MARK4: variants seen among roughly 807,000 people sequenced by gnomAD.
MARK4 encodes the protein MAP/microtubule affinity-regulating kinase 4.
MARK4 carries 19 observed loss-of-function variants against 81.5 expected under a neutral mutation model. The ratio of observed to expected loss-of-function variants is 0.23; its 90% CI spans 0.16 to 0.34. The LOEUF (loss-of-function observed/expected upper bound fraction) is 0.34, where lower values mean the gene tolerates loss of function less well. Ranked by LOEUF, MARK4 falls within the 10% of genes least tolerant of loss-of-function variation. The probability of loss-of-function intolerance (pLI) is 1.00; values close to 1 mark genes in which losing one functional copy is unlikely to be tolerated. For missense variants in MARK4, 772 were observed against 1,058.8 expected, an observed-to-expected ratio of 0.73 and a Z score of 3.76; for synonymous variants, 436 against 439.0, an observed-to-expected ratio of 0.99 and a Z score of 0.08.
chr19:45,282,699 C>T (rs766419154), intron 12 of MARK4, among the ~76,000 whole-genome samples: 11 of 152,104 alleles, frequency 7.2e-5, no homozygotes, highest in African/African-American at 2.2e-4. Context: ...GTGGCGGGCA[C>T]CTGTAATCCC....
intron 12 of MARK4, among the ~76,000 whole-genome samples, chr19:45,284,902 C>T (rs535464155): frequency 6.6e-6 from 1 of 152,186 alleles, no homozygotes; most frequent in African/African-American, 2.4e-5. Context: ...AGCAGCCTGG[C>T]CAACATGGTG....
rs1193924070 is a variant in MARK4, at chr19:45,278,545, C to T, written c.936C>T (p.Ile312=). ...TCATGAAAGACAAATGGATCAACAT[C>T]GGCTATGAGGGTGAGGAGTTGAAGC... The part of the protein sequence containing the change: ...EQIMKDKWIN[I]GYEGEELKPY... The change falls in exon 10 of 17, where the codon ATC becomes ATT. Residue 312 remains isoleucine (I), a synonymous_variant. Transcript: ENST00000262891. 28 of 1,613,850 alleles carry T rather than the reference C, an allele frequency of 1.7e-5. No homozygotes were observed. Among genetic ancestry groups the T allele is most frequent in the Non-Finnish European group, 2.1e-5 (25 of 1,179,958 alleles).
chr19:45,302,861 T>G lies in MARK4; in HGVS notation c.*151T>G. 8.0e-7 allele frequency: 1 copy of G among 1,243,056 alleles called. No homozygotes were observed. The highest frequency in any genetic ancestry group is 1.5e-5 in the South Asian group (1 of 64,904). 77.0% of individuals were successfully genotyped at this position (1,243,056 alleles called of 1,614,324 possible). A position where few individuals can be genotyped will look rare whatever the true frequency, so the allele number is the denominator to read the frequency against. On this transcript the variant is annotated 3_prime_UTR_variant, in exon 17 of 17. Transcript: ENST00000262891. This position sits in a 1 kb window ranked among gnomAD's most constrained non-coding sequence, Gnocchi z 4.9. ...GGGCAAAGATTGTCCCCTCTGCTGT[T>G]CTCTGGGGCCGCTCAGCACAGAAGA... is the stretch of plus-strand genomic sequence containing the variant.
intron 8 of MARK4, among the ~76,000 whole-genome samples, chr19:45,274,636 A>C (rs1370131521): frequency 6.6e-6 from 1 of 152,106 alleles, no homozygotes; most frequent in Non-Finnish European, 1.5e-5. Context: ...GTCTCAAAAA[A>C]ACAAAACAAA....
At chr19:45,270,633 T>C (rs1268127124) in intron 7 of MARK4, among the ~76,000 whole-genome samples, 1 of 152,180 alleles carries the variant, frequency 6.6e-6, no homozygotes, top group Non-Finnish European at 1.5e-5. Context: ...AAGTTCTCAC[T>C]CTGTTGCTCA....
chr19:45,287,415 A>G, intron 12 of MARK4, 32 bp from the exon 13 acceptor site: 4 of 1,363,200 alleles, frequency 2.9e-6, no homozygotes, highest in Non-Finnish European at 3.9e-6. Context: ...TTCCGTGGTG[A>G]TGCCAGCTCT....
chr19:45,281,543 T>G (rs1212314986), intron 12 of MARK4, among the ~76,000 whole-genome samples: 1 of 151,798 alleles, frequency 6.6e-6, no homozygotes, highest in Admixed American at 6.6e-5. Context: ...GTATTTTTAG[T>G]AGAGACAGGG....
chr19:45,283,450 C>T (rs1970703317), intron 12 of MARK4, among the ~76,000 whole-genome samples: 1 of 151,480 alleles, frequency 6.6e-6, no homozygotes, highest in Admixed American at 6.6e-5. Flanking sequence ...ACTTCCAATC[C>T]CCCTTCCACC....
At chr19:45,279,087 T>C (rs1247179422) in intron 10 of MARK4, among the ~76,000 whole-genome samples, 1 of 151,020 alleles carries the variant, frequency 6.6e-6, no homozygotes, top group Non-Finnish European at 1.5e-5. Context: ...TAGCCAGTTG[T>C]GGTTGTGTGC....
chr19:45,296,927 A>C (rs984955319), intron 14 of MARK4, among the ~76,000 whole-genome samples: 4 of 152,036 alleles, frequency 2.6e-5, no homozygotes, highest in African/African-American at 7.2e-5. Context: ...CTGCATGCCT[A>C]TAGTCCCAGC....
At chr19:45,257,783 G>A (rs1970328375) in intron 1 of MARK4, among the ~76,000 whole-genome samples, 1 of 148,868 alleles carries the variant, frequency 6.7e-6, no homozygotes, top group Non-Finnish European at 1.5e-5. Context: ...TCCACCTCCT[G>A]GGTTCATGCC....
At chr19:45,300,802 C>T (rs1417297159) in intron 16 of MARK4, among the ~76,000 whole-genome samples, 1 of 152,120 alleles carries the variant, frequency 6.6e-6, no homozygotes, top group Admixed American at 6.6e-5. Context: ...CCAATGCCTG[C>T]AGCCAGAGAG....
intron 9 of MARK4, among the ~76,000 whole-genome samples, 178 bp from the exon 10 acceptor site, chr19:45,278,338 G>A (rs971915308): frequency 8.5e-5 from 13 of 152,094 alleles, no homozygotes; most frequent in Non-Finnish European, 1.5e-4. Flanking sequence ...AGGGAGGGTG[G>A]CATCAGGAGG....
chr19:45,287,714 A>G (rs745315612), intron 13 of MARK4, 50 bp downstream of exon 13: 9 of 1,564,466 alleles, frequency 5.8e-6, no homozygotes, highest in Non-Finnish European at 7.8e-6. Flanking sequence ...CCTGGGCCAC[A>G]TTCCTCAGGC....
At chr19:45,267,924 T>A (rs1358567059) in intron 7 of MARK4, among the ~76,000 whole-genome samples, 1 of 151,976 alleles carries the variant, frequency 6.6e-6, no homozygotes, top group Non-Finnish European at 1.5e-5. Context: ...GCCTTCTGAG[T>A]TGCTGGGATT....
At chr19:45,270,142 G>T (rs1357651583) in intron 7 of MARK4, among the ~76,000 whole-genome samples, 2 of 152,012 alleles carry the variant, frequency 1.3e-5, no homozygotes, top group African/African-American at 4.8e-5. Context: ...AATGTTTACT[G>T]ATCACTGACT....
intron 16 of MARK4, among the ~76,000 whole-genome samples, chr19:45,300,565 T>C (rs1156975339): frequency 6.6e-6 from 1 of 152,082 alleles, no homozygotes; most frequent in Non-Finnish European, 1.5e-5. Context: ...AGTTGTGCCA[T>C]TGTAGTGCAA....
At chr19:45,255,719 C>A (rs1240302877) in intron 1 of MARK4, among the ~76,000 whole-genome samples, 1 of 152,226 alleles carries the variant, frequency 6.6e-6, no homozygotes, top group Admixed American at 6.5e-5. Context: ...GTTGTCGTTG[C>A]TATCAAGTGG....
intron 1 of MARK4, among the ~76,000 whole-genome samples, chr19:45,258,575 C>G (rs1295196301): frequency 6.6e-6 from 1 of 152,030 alleles, no homozygotes; most frequent in Non-Finnish European, 1.5e-5. Flanking sequence ...TGGTGCACGC[C>G]TGTAATCCCA....
Sources: allele counts gnomAD v4.1 joint callset (sites outside exome capture counted in the v4.1 genomes callset), GRCh38; gene constraint gnomAD v4.1.1; non-coding constraint Gnocchi (gnomAD v3.1); transcripts MANE v1.5; gene names NCBI Gene and HGNC (gene_info 2026-07-23, HGNC 2026-07-21).